PTK2: variants seen among roughly 807,000 people sequenced by gnomAD.
The protein encoded by PTK2 is protein tyrosine kinase 2, also known as focal adhesion kinase 1.
PTK2 carries 45 observed loss-of-function variants against 150.1 expected under a neutral mutation model. The observed-to-expected ratio is 0.30, with a 90% CI of 0.24 to 0.38. PTK2 has a LOEUF of 0.38. Ranked by LOEUF, PTK2 falls within the 10% of genes least tolerant of loss-of-function variation. PTK2 has a pLI of 1.00. For synonymous variants in PTK2, 432 were observed against 449.2 expected (o/e 0.96, Z 0.48); for missense variants, 919 against 1,307.3 (o/e 0.70, Z 4.58).
intron 26 of PTK2, among the ~76,000 whole-genome samples, chr8:140,690,724 T>C (rs1362311369): frequency 6.6e-6 from 1 of 152,220 alleles, no homozygotes; most frequent in Non-Finnish European, 1.5e-5. Flanking sequence ...TTTACAAACA[T>C]GGAACCACAA....
At chr8:140,936,327 A>G (rs1198088485) in intron 1 of PTK2, among the ~76,000 whole-genome samples, 2 of 152,232 alleles carry the variant, frequency 1.3e-5, no homozygotes, top group Non-Finnish European at 2.9e-5. Context: ...TGTACTGTAT[A>G]GATAAATCAA....
chr8:140,684,406 C>A (rs2100018651), intron 27 of PTK2, among the ~76,000 whole-genome samples: 1 of 152,274 alleles, frequency 6.6e-6, no homozygotes. Context: ...TGCGGGCTAG[C>A]CCGCCATTCA....
chr8:140,756,166 T>TA (rs1463996111), intron 16 of PTK2, among the ~76,000 whole-genome samples: 2 of 151,184 alleles, frequency 1.3e-5, no homozygotes, highest in Non-Finnish European at 2.9e-5. Flanking sequence ...CTACTAAAAA[T>TA]ACAAAAACTA....
chr8:140,755,474 T>C (rs1406734795), intron 16 of PTK2, among the ~76,000 whole-genome samples: 1 of 152,230 alleles, frequency 6.6e-6, no homozygotes, highest in Admixed American at 6.5e-5. Context: ...CCCCGCCTCA[T>C]GGCCTTTGCA....
intron 13 of PTK2, among the ~76,000 whole-genome samples, chr8:140,792,306 TA>T (rs907429449): frequency 3.9e-5 from 6 of 152,176 alleles, no homozygotes; most frequent in Non-Finnish European, 7.3e-5. Flanking sequence ...GAACCCTCAA[TA>T]AAAACCCTAG....
intron 1 of PTK2, among the ~76,000 whole-genome samples, chr8:140,980,384 G>A (rs575483414): frequency 3.3e-5 from 5 of 152,176 alleles, no homozygotes; most frequent in Non-Finnish European, 5.9e-5. Context: ...TTGGGAGGCC[G>A]AAGCAGGCGG....
At chr8:140,933,239 A>C (rs970445604) in intron 1 of PTK2, among the ~76,000 whole-genome samples, 4 of 152,056 alleles carry the variant, frequency 2.6e-5, no homozygotes, top group Non-Finnish European at 5.9e-5. Context: ...CAGATGCAAC[A>C]GCTGGCAATA....
chr8:140,964,676 G>T (rs2100184631), intron 1 of PTK2, among the ~76,000 whole-genome samples: 1 of 150,686 alleles, frequency 6.6e-6, no homozygotes, highest in East Asian at 2.0e-4. Context: ...AAAGTGCTAG[G>T]ATCACAGGCA....
intron 27 of PTK2, among the ~76,000 whole-genome samples, chr8:140,685,841 C>A (rs1264710113): frequency 6.6e-6 from 1 of 152,202 alleles, no homozygotes; most frequent in Non-Finnish European, 1.5e-5. Flanking sequence ...TGTCTCAGAA[C>A]TTAAAACAGA....
chr8:140,715,859 A>G (rs2100039406), intron 23 of PTK2, among the ~76,000 whole-genome samples: 2 of 152,244 alleles, frequency 1.3e-5, no homozygotes, highest in South Asian at 4.1e-4. Context: ...AAAGAAGCCA[A>G]GAAGCCTCAT....
chr8:140,859,660 A>T (rs921198217), intron 5 of PTK2, among the ~76,000 whole-genome samples: 4 of 152,126 alleles, frequency 2.6e-5, no homozygotes, highest in African/African-American at 9.7e-5. Flanking sequence ...CACACACAAT[A>T]CTTACGTAAC....
rs181451199 is a variant in PTK2, at chr8:140,956,637, G to A, written c.-121-30888C>T. Among the ~76,000 whole-genome samples, 6 of 152,324 alleles carry A rather than the reference G, an allele frequency of 3.9e-5. No individual in the cohort carries two copies. In the East Asian group the frequency reaches 1.2e-3, roughly 29 times the overall value. On this transcript the variant is annotated intron_variant, in intron 1 of 31. Transcript: ENST00000522684. ...AACCTAGGCGATAACAGCTCCATGT[G>A]TGTTATTGCCCCTAAAGACTTTCCA...
At chr8:140,965,619 G>C (rs951898849) in intron 1 of PTK2, among the ~76,000 whole-genome samples, 1 of 152,226 alleles carries the variant, frequency 6.6e-6, no homozygotes, top group Middle Eastern at 3.2e-3. Flanking sequence ...GCTCACGCCT[G>C]TAATTCCAGC....
chr8:140,936,566 TA>T (rs772086267), intron 1 of PTK2, among the ~76,000 whole-genome samples: 217 of 141,100 alleles, frequency 1.5e-3, no homozygotes, highest in Admixed American at 1.7e-3. Flanking sequence ...TTAGTTGCCC[TA>T]AAAAAAAAAA....
intron 26 of PTK2, among the ~76,000 whole-genome samples, chr8:140,700,465 T>G (rs1281169982): frequency 6.6e-6 from 1 of 151,314 alleles, no homozygotes; most frequent in South Asian, 2.1e-4. Context: ...AACCACCACA[T>G]CCAGCCATAT....
chr8:140,684,458 A>AT (rs1485669637), intron 27 of PTK2, among the ~76,000 whole-genome samples: 2 of 152,262 alleles, frequency 1.3e-5, no homozygotes, highest in African/African-American at 2.4e-5. Context: ...CTATGGACCA[A>AT]TACCAGTCTG....
At chr8:140,757,631 A>G (rs564680806) in intron 16 of PTK2, among the ~76,000 whole-genome samples, 1 of 152,292 alleles carries the variant, frequency 6.6e-6, no homozygotes, top group African/African-American at 2.4e-5. Flanking sequence ...GTTACTGAAG[A>G]AAAAAATGGT....
At chr8:140,898,347 T>G (rs757370507) in intron 2 of PTK2, among the ~76,000 whole-genome samples, 1 of 152,226 alleles carries the variant, frequency 6.6e-6, no homozygotes, top group Non-Finnish European at 1.5e-5. Flanking sequence ...GACTACACTT[T>G]ACTGAGTCCT....
chr8:140,676,757 C>A (rs13252341), intron 27 of PTK2, among the ~76,000 whole-genome samples: 8 of 44,962 alleles, frequency 1.8e-4, no homozygotes, highest in African/African-American at 4.3e-4. Flanking sequence ...GAAACCCCGT[C>A]TCTACTTTAA....
Sources: gnomAD v4.1 joint callset for allele counts (sites outside exome capture counted in the v4.1 genomes callset) on GRCh38, gnomAD v4.1.1 for gene constraint, MANE v1.5 for transcripts, NCBI Gene and HGNC (gene_info 2026-07-23, HGNC 2026-07-21) for gene names.